RANBP2: variants seen among roughly 807,000 people sequenced by gnomAD.
RANBP2 encodes E3 SUMO-protein ligase RanBP2.
In RANBP2, 57 loss-of-function variants were observed where a neutral mutation model predicts 303.6. That is an observed-to-expected ratio of 0.19 (90% CI 0.15 to 0.23). RANBP2 has a LOEUF of 0.23. Among genes scored for constraint, RANBP2 ranks in the 10% least tolerant of loss-of-function variants. RANBP2 has a pLI of 1.00. For synonymous variants in RANBP2, 1,167 were observed against 1,301.5 expected, an observed-to-expected ratio of 0.90 and a Z score of 2.23; for missense variants, 3,138 against 3,780.8, an observed-to-expected ratio of 0.83 and a Z score of 4.46.
chr2:109,155,662 C>T, the RANBP2 span, among the ~76,000 whole-genome samples: 1 of 152,176 alleles, frequency 6.6e-6, no homozygotes, highest in African/African-American at 2.4e-5. Context: ...AGTGCCTGGC[C>T]TGTAACTCCA....
At chr2:109,709,369 AT>A in the RANBP2 span, among the ~76,000 whole-genome samples, 1 of 150,850 alleles carries the variant, frequency 6.6e-6, no homozygotes. Flanking sequence ...AAATAAAATA[AT>A]AAAAATAACA....
the RANBP2 span, chr2:108,856,765 G>A: frequency 8.7e-5 from 138 of 1,592,382 alleles, no homozygotes; most frequent in African/African-American, 1.6e-3. Context: ...TAGCAAAACT[G>A]CAGTTGATTG....
chr2:109,261,026 G>C, the RANBP2 span, among the ~76,000 whole-genome samples: 1 of 152,192 alleles, frequency 6.6e-6, no homozygotes, highest in African/African-American at 2.4e-5. Flanking sequence ...AGAGGGCACT[G>C]TGTCTGCAGG....
At chr2:109,527,972 C>T in the RANBP2 span, among the ~76,000 whole-genome samples, 1 of 152,188 alleles carries the variant, frequency 6.6e-6, no homozygotes, top group Admixed American at 6.5e-5. Context: ...GTGGAGACCC[C>T]TGCAGCCAGG....
the RANBP2 span, among the ~76,000 whole-genome samples, chr2:108,831,712 C>CCTTCCTTCCTTA: frequency 6.6e-6 from 1 of 151,234 alleles, no homozygotes; most frequent in South Asian, 2.1e-4. Flanking sequence ...TTCCTTCCTT[C>CCTTCCTTCCTTA]CTTCCTTCCT....
chr2:109,196,211 A>G, the RANBP2 span, among the ~76,000 whole-genome samples: 6 of 152,236 alleles, frequency 3.9e-5, no homozygotes, highest in South Asian at 1.2e-3. Flanking sequence ...CCTTGAGGCC[A>G]TGTCGGGGTG....
rs200049021 is a variant in RANBP2, at chr2:108,765,247, G to A, written c.4708G>A (p.Asp1570Asn). Residue 1570 changes from aspartate (D) to asparagine (N), a missense_variant, in exon 20 of 29, where the codon GAT (aspartate) becomes AAT (asparagine). This residue lies in a region of RANBP2 where 388 missense variants were observed against 328.5 expected (regional missense o/e 1.18). Transcript: ENST00000283195. ...AAGATGTGTTGCTTGTCAGAATCCGGATAAACCAAGTCCATCTACTTCTGT... is the reference window on the plus strand; with the variant it reads ...AAGATGTGTTGCTTGTCAGAATCCGAATAAACCAAGTCCATCTACTTCTGT... ...ATRCVACQNP[D>N]KPSPSTSVPA... The A allele has an allele frequency of 1.2e-6, 2 of 1,613,944 alleles. No individual in the cohort carries two copies. The highest frequency in any genetic ancestry group is 4.5e-5 in the East Asian group (2 of 44,838).
the RANBP2 span, among the ~76,000 whole-genome samples, chr2:109,187,840 C>A: frequency 6.6e-6 from 1 of 152,240 alleles, no homozygotes; most frequent in Non-Finnish European, 1.5e-5. Flanking sequence ...GGACCCCATT[C>A]TCAGCTTATC....
At chr2:109,073,923 T>C in the RANBP2 span, among the ~76,000 whole-genome samples, 1 of 149,878 alleles carries the variant, frequency 6.7e-6, no homozygotes, top group African/African-American at 2.4e-5. Flanking sequence ...AAACTACCTA[T>C]AGAAATGACA....
chr2:109,247,117 A>G, the RANBP2 span, among the ~76,000 whole-genome samples: 1 of 152,128 alleles, frequency 6.6e-6, no homozygotes, highest in African/African-American at 2.4e-5. Flanking sequence ...TTGTAATCCC[A>G]TGGGTGTATG....
At chr2:109,273,931 G>A in the RANBP2 span, among the ~76,000 whole-genome samples, 1 of 152,154 alleles carries the variant, frequency 6.6e-6, no homozygotes, top group Non-Finnish European at 1.5e-5. Flanking sequence ...TTTGGTGCTT[G>A]CTTTAGGGCT....
At chr2:109,072,010 G>T in the RANBP2 span, among the ~76,000 whole-genome samples, 2 of 152,200 alleles carry the variant, frequency 1.3e-5, no homozygotes, top group African/African-American at 4.8e-5. Context: ...GTTATCACAG[G>T]CTATAGAAGT....
the RANBP2 span, among the ~76,000 whole-genome samples, chr2:109,603,392 G>A: frequency 1.2e-4 from 18 of 152,002 alleles, no homozygotes; most frequent in African/African-American, 3.9e-4. Context: ...ACACCGCCAC[G>A]CCTGGCTAAT....
chr2:109,152,188 G>T, the RANBP2 span, among the ~76,000 whole-genome samples: 1 of 152,220 alleles, frequency 6.6e-6, no homozygotes, highest in African/African-American at 2.4e-5. Flanking sequence ...CAGCGTCTTA[G>T]AAATAAATTA....
the RANBP2 span, among the ~76,000 whole-genome samples, chr2:109,442,329 A>C: frequency 6.6e-6 from 1 of 151,374 alleles, no homozygotes; most frequent in Non-Finnish European, 1.5e-5. Context: ...AAAAAAAAGA[A>C]AAAATCCACA....
chr2:109,572,170 G>A, the RANBP2 span, among the ~76,000 whole-genome samples: 2 of 151,866 alleles, frequency 1.3e-5, no homozygotes, highest in Non-Finnish European at 2.9e-5. Context: ...TCGCTCTGTC[G>A]CCTAGGCTGG....
chr2:109,667,612 T>G, the RANBP2 span, among the ~76,000 whole-genome samples: 1 of 152,172 alleles, frequency 6.6e-6, no homozygotes, highest in Non-Finnish European at 1.5e-5. Context: ...CACCTGTATC[T>G]CCATGCCAAC....
the RANBP2 span, among the ~76,000 whole-genome samples, chr2:109,168,979 G>A: frequency 1.3e-5 from 2 of 152,190 alleles, no homozygotes; most frequent in African/African-American, 2.4e-5. Flanking sequence ...CACCTGTGGT[G>A]TGTGGCCTGG....
the RANBP2 span, among the ~76,000 whole-genome samples, chr2:109,018,755 T>C: frequency 6.6e-6 from 1 of 152,350 alleles, no homozygotes; most frequent in South Asian, 2.1e-4. Context: ...TGATGTTACT[T>C]AGAGGAGCCA....
Sources: gnomAD v4.1 joint callset for allele counts (sites outside exome capture counted in the v4.1 genomes callset) on GRCh38, gnomAD v4.1.1 for gene constraint, gnomAD v4.1.1 regional missense constraint, MANE v1.5 for transcripts, NCBI Gene and HGNC (gene_info 2026-07-23, HGNC 2026-07-21) for gene names.